TSHZ2: variants seen among roughly 807,000 people sequenced by gnomAD.
TSHZ2 encodes the protein teashirt zinc finger homeobox 2.
A neutral mutation model predicts 74.4 loss-of-function variants in TSHZ2; 21 were observed. The observed-to-expected ratio is 0.28, with a 90% CI of 0.20 to 0.41. The LOEUF is 0.41. Ranked by LOEUF, TSHZ2 falls within the 10% of genes least tolerant of loss-of-function variation. The pLI is 1.00. For synonymous variants in TSHZ2, 540 were observed against 515.3 expected, an observed-to-expected ratio of 1.05 and a Z score of -0.65; for missense variants, 1,244 against 1,293.5, an observed-to-expected ratio of 0.96 and a Z score of 0.59.
In TSHZ2 at chr20:53,409,834, C is replaced by CTTTTTTT. The variant is rs71194475; in HGVS notation, c.*9-77286_*9-77280dup. 8.9e-4 allele frequency among the ~76,000 whole-genome samples: 44 copies of CTTTTTTT among 49,356 alleles called. 2 individuals are homozygous for CTTTTTTT. Among genetic ancestry groups the CTTTTTTT allele is most frequent in the African/African-American group, 1.7e-3 (20 of 11,664 alleles). 32.4% of individuals were successfully genotyped at this position (49,356 alleles called of 152,430 possible). ...AGAATTCACATCTTTGTTTTCTTTTCTTTTTTTTTTTTTTTTTTTTTTTTT... is the reference window on the plus strand; with the variant it reads ...AGAATTCACATCTTTGTTTTCTTTTCTTTTTTTTTTTTTTTTTTTTTTTTTTTTTTTT... On this transcript the variant is annotated intron_variant, in intron 2 of 2. Transcript: ENST00000371497.
At chr20:53,420,244 CA>C (rs1210615328) in intron 2 of TSHZ2, among the ~76,000 whole-genome samples, 2 of 152,140 alleles carry the variant, frequency 1.3e-5, no homozygotes, top group African/African-American at 4.8e-5. Context: ...CAGTTCAAAA[CA>C]GAGTGGTCAG....
chr20:53,178,583 C>T (rs898104138), intron 1 of TSHZ2: 6 of 152,148 alleles, frequency 3.9e-5, no homozygotes, highest in Admixed American at 6.5e-5. Flanking sequence ...AATGTACACA[C>T]AAATTGCATC....
chr20:52,982,987 T>A (rs1403100858), intron 1 of TSHZ2, among the ~76,000 whole-genome samples: 1 of 152,208 alleles, frequency 6.6e-6, no homozygotes, highest in Non-Finnish European at 1.5e-5. Flanking sequence ...GACTTGGGCA[T>A]GTTTGCTCTC....
chr20:53,087,573 C>A (rs115042520), intron 1 of TSHZ2, among the ~76,000 whole-genome samples: 38 of 152,308 alleles, frequency 2.5e-4, no homozygotes, highest in African/African-American at 9.1e-4. Flanking sequence ...CAGCGTTACT[C>A]ATAATCATGC....
At chr20:53,015,164 A>T (rs1982989781) in intron 1 of TSHZ2, among the ~76,000 whole-genome samples, 1 of 151,654 alleles carries the variant, frequency 6.6e-6, no homozygotes, top group South Asian at 2.1e-4. Context: ...TGTCACTGTC[A>T]CCTCCTCTGA....
chr20:52,992,318 C>G (rs1397283264), intron 1 of TSHZ2, among the ~76,000 whole-genome samples: 1 of 152,042 alleles, frequency 6.6e-6, no homozygotes, highest in Non-Finnish European at 1.5e-5. Context: ...ATTTAGATAC[C>G]CCAGTTATTT....
chr20:53,134,633 T>C (rs1267729824), intron 1 of TSHZ2, among the ~76,000 whole-genome samples: 2 of 152,210 alleles, frequency 1.3e-5, no homozygotes, highest in African/African-American at 2.4e-5. Context: ...CTTAAAGATA[T>C]AGCATGGACA....
chr20:53,432,482 G>T (rs1983881368), intron 2 of TSHZ2, among the ~76,000 whole-genome samples: 1 of 152,206 alleles, frequency 6.6e-6, no homozygotes, highest in Admixed American at 6.5e-5. Flanking sequence ...CCTATGAGTA[G>T]ATACCTAGTA....
In TSHZ2 at chr20:53,013,544, G is replaced by A. The variant is rs142325618; in HGVS notation, c.40+40211G>A. Among the ~76,000 whole-genome samples the A allele has an allele frequency of 2.2e-3, 339 of 152,300 alleles. 2 individuals are homozygous for A. The highest frequency in any genetic ancestry group is 7.6e-3 in the African/African-American group (316 of 41,568). ...GTGGTCCTTGTCCTCTAGACTGGGC[G>A]AGAATCCTTGTCATCCATTCTTTGC... is the stretch of plus-strand genomic sequence containing the variant. On this transcript the variant is annotated intron_variant, in intron 1 of 2. Coordinates refer to ENST00000371497, the MANE Select transcript of TSHZ2 (RefSeq NM_173485.6).
intron 1 of TSHZ2, among the ~76,000 whole-genome samples, chr20:53,086,431 G>A (rs1405324048): frequency 6.6e-6 from 1 of 151,986 alleles, no homozygotes; most frequent in Non-Finnish European, 1.5e-5. Context: ...CAGTCCATTT[G>A]TCTCTGATTG....
At chr20:53,119,898 C>T (rs1986763856) in intron 1 of TSHZ2, among the ~76,000 whole-genome samples, 1 of 152,190 alleles carries the variant, frequency 6.6e-6, no homozygotes, top group Admixed American at 6.5e-5. Flanking sequence ...CACTGAATAA[C>T]TTCTCATAAT....
At chr20:53,318,059 A>G (rs1011077840) in intron 2 of TSHZ2, among the ~76,000 whole-genome samples, 6 of 152,258 alleles carry the variant, frequency 3.9e-5, no homozygotes, top group Admixed American at 6.5e-5. Context: ...TGTGTTAAAC[A>G]AATGACTAGA....
At chr20:53,357,252 G>T (rs1600827918) in intron 2 of TSHZ2, among the ~76,000 whole-genome samples, 1 of 152,220 alleles carries the variant, frequency 6.6e-6, no homozygotes, top group South Asian at 2.1e-4. Context: ...CATGTCACGT[G>T]TTAATTTTGA....
chr20:53,275,867 T>G (rs977175396), intron 2 of TSHZ2, among the ~76,000 whole-genome samples: 2 of 152,144 alleles, frequency 1.3e-5, no homozygotes, highest in African/African-American at 4.8e-5. Flanking sequence ...GTGGAGGTTG[T>G]GGTGAGCCGA....
chr20:53,143,267 T>C (rs1600710144), intron 1 of TSHZ2, among the ~76,000 whole-genome samples: 1 of 152,360 alleles, frequency 6.6e-6, no homozygotes, highest in Non-Finnish European at 1.5e-5. Flanking sequence ...AATTCTGATA[T>C]TCACAGTTTC....
chr20:53,472,781 C>T (rs931493235), intron 2 of TSHZ2, among the ~76,000 whole-genome samples: 5 of 150,542 alleles, frequency 3.3e-5, no homozygotes, highest in East Asian at 4.0e-4. Context: ...AGACAGTGGG[C>T]GCAGGTCAGT....
In TSHZ2 at chr20:53,476,088, G is replaced by A. The variant is rs1047926962; in HGVS notation, c.*9-11056G>A. ...CGAATTCTACCAGAGGTACAAGGAG[G>A]AACTGGTACCATTCCTTCTGGAACT... On this transcript the variant is annotated intron_variant, in intron 2 of 2. Transcript: ENST00000371497. 4.1e-4 allele frequency among the ~76,000 whole-genome samples: 59 copies of A among 142,684 alleles called. 1 individual carries two copies. The highest frequency in any genetic ancestry group is 1.5e-3 in the Admixed American group (21 of 14,362). The allele number at this position is 142,684 out of a possible 152,430, so 93.6% of individuals were successfully genotyped here. A position where few individuals can be genotyped will look rare whatever the true frequency, so the allele number is the denominator to read the frequency against.
At chr20:52,993,729 TAATA>T (rs897930018) in intron 1 of TSHZ2, among the ~76,000 whole-genome samples, 1 of 152,092 alleles carries the variant, frequency 6.6e-6, no homozygotes, top group Non-Finnish European at 1.5e-5. Flanking sequence ...AAGAAAAAAA[TAATA>T]AATGAAGACA....
intron 1 of TSHZ2, among the ~76,000 whole-genome samples, chr20:53,127,441 C>T (rs193289139): frequency 3.6e-4 from 55 of 152,354 alleles, no homozygotes; most frequent in Non-Finnish European, 5.3e-4. Context: ...TAGTGGCGCA[C>T]GCCTGTAATC....
Sources: gnomAD v4.1 joint callset for allele counts (sites outside exome capture counted in the v4.1 genomes callset) on GRCh38, gnomAD v4.1.1 for gene constraint, MANE v1.5 for transcripts, NCBI Gene and HGNC (gene_info 2026-07-23, HGNC 2026-07-21) for gene names.